TUBGCP5: variants seen among roughly 807,000 people sequenced by gnomAD.
TUBGCP5 encodes the protein tubulin gamma complex component 5.
In TUBGCP5, 98 loss-of-function variants were observed where a neutral mutation model predicts 134.7. That is an observed-to-expected ratio of 0.73 (90% CI 0.62 to 0.86). The LOEUF (loss-of-function observed/expected upper bound fraction) is 0.86, where lower values mean the gene tolerates loss of function less well. TUBGCP5 is among the 40% of genes least tolerant of loss of function. TUBGCP5 has a pLI of 0.00. For missense variants in TUBGCP5, 1,150 were observed against 1,244.8 expected, an observed-to-expected ratio of 0.92 and a Z score of 1.15; for synonymous variants, 456 against 431.4, an observed-to-expected ratio of 1.06 and a Z score of -0.71.
At chr15:22,998,638 G>A (rs980169747), downstream of TUBGCP5, among the ~76,000 whole-genome samples, 17 of 147,268 alleles carry the variant, frequency 1.2e-4, no homozygotes, top group African/African-American at 3.8e-4. Flanking sequence ...TTTTTTTTTC[G>A]GAGTCTTGCT....
intron 22 of TUBGCP5, chr15:23,000,270 A>C (rs12914045): frequency 8.0e-7 from 1 of 1,249,440 alleles, no homozygotes. Context: ...ATAGTTACAA[A>C]AACTACACGA....
intron 13 of TUBGCP5, among the ~76,000 whole-genome samples, chr15:23,012,248 G>C (rs958961156): frequency 1.3e-5 from 2 of 151,844 alleles, no homozygotes; most frequent in African/African-American, 4.8e-5. Context: ...AGTGGCCCTG[G>C]GAAGCTCACT....
At position 23,004,312 on chromosome 15, in the gene TUBGCP5, T is replaced by C. The variant is rs530951820; in HGVS notation, c.2713-85A>G. On this transcript the variant is annotated intron_variant, in intron 19 of 22. Transcript: ENST00000615383. ...ACACAAATCTTTTTTACTAAGCTCT[T>C]CTACTCCTCTCAAATTCTTCCTTCA... The C allele has an allele frequency of 6.0e-5, 88 of 1,476,144 alleles. No homozygotes were observed. In the African/African-American group the frequency reaches 1.2e-3, roughly 19 times the overall value. 91.4% of individuals were successfully genotyped at this position (1,476,144 alleles called of 1,614,324 possible).
At chr15:22,992,110 G>A (rs916053988) in intron 23 of TUBGCP5, among the ~76,000 whole-genome samples, 3 of 152,092 alleles carry the variant, frequency 2.0e-5, no homozygotes, top group Non-Finnish European at 4.4e-5. Context: ...AATTGCAGTC[G>A]TACGACCTGA....
chr15:23,010,086 T>G lies in TUBGCP5; in HGVS notation c.2003A>C (p.Asp668Ala), dbSNP rs1555436702. 1.2e-6 allele frequency: 2 copies of G among 1,613,944 alleles called. No homozygotes were observed. The highest frequency in any genetic ancestry group is 2.7e-5 in the African/African-American group (2 of 74,918). Residue 668 changes from aspartate to alanine, a missense_variant, in exon 15 of 23, where the codon GAT becomes GCT. This residue lies in a region of TUBGCP5 where 697 missense variants were observed against 850.1 expected (regional missense o/e 0.82). Transcript: ENST00000615383. ...SDFHEKFAGG[D>A]VCVDRSSESV... ...TTCCGATGATCTATCCACACATACA[T>G]CACCACCAGCAAACTTCTCGTGAAA...
chr15:23,028,412 A>G (rs1887088724), intron 6 of TUBGCP5, among the ~76,000 whole-genome samples: 1 of 150,908 alleles, frequency 6.6e-6, no homozygotes, highest in African/African-American at 2.4e-5. Context: ...CAAATCCAAA[A>G]TTGAATCCGA....
chr15:23,021,144 A>G (rs1398510053), intron 11 of TUBGCP5, among the ~76,000 whole-genome samples: 1 of 151,808 alleles, frequency 6.6e-6, no homozygotes, highest in Non-Finnish European at 1.5e-5. Flanking sequence ...CTACTTTAAA[A>G]ATTTTTTGTA....
chr15:23,009,001 A>AGT, intron 15 of TUBGCP5, 120 bp from the exon 16 acceptor site: 1 of 733,890 alleles, frequency 1.4e-6, no homozygotes, highest in Non-Finnish European at 2.1e-6. Flanking sequence ...TACATTTACT[A>AGT]AAATTAGAAA....
intron 20 of TUBGCP5, among the ~76,000 whole-genome samples, chr15:23,003,677 G>C (rs1200116751): frequency 8.5e-6 from 1 of 117,416 alleles, no homozygotes; most frequent in Admixed American, 1.2e-4. Context: ...ACAAGGTCTT[G>C]CTCTGTTACC....
chr15:23,003,781 T>C lies in TUBGCP5; in HGVS notation c.2838+321A>G, dbSNP rs181534992. On this transcript the variant is annotated intron_variant, in intron 20 of 22. Coordinates refer to ENST00000615383, the MANE Select transcript of TUBGCP5 (RefSeq NM_052903.6). ...AATGCTCCCACCTCAGCCTCCCAAG[T>C]AGCTGGGCCTCCAGGTATGCACCAC... Among the ~76,000 whole-genome samples the C allele has an allele frequency of 2.0e-5, 3 of 152,042 alleles. 1 individual carries two copies. Among genetic ancestry groups the C allele is most frequent in the Admixed American group, 2.0e-4 (3 of 15,232 alleles).
At chr15:23,019,878 TTGAGAG>T (rs1157521137) in intron 11 of TUBGCP5, among the ~76,000 whole-genome samples, 2 of 151,932 alleles carry the variant, frequency 1.3e-5, no homozygotes, top group African/African-American at 4.8e-5. Flanking sequence ...ACTGGGAAAC[TTGAGAG>T]TGAAAGTGAC....
chr15:23,010,069 A>G lies in TUBGCP5; in HGVS notation c.2020T>C (p.Ser674Pro), dbSNP rs776636432. The change falls in exon 15 of 23, where the codon TCA (serine) becomes CCA (proline). Residue 674 changes from serine (S) to proline (P), a missense_variant. This residue lies in a region of TUBGCP5 where 697 missense variants were observed against 850.1 expected (regional missense o/e 0.82). Coordinates refer to ENST00000615383, the MANE Select transcript of TUBGCP5 (RefSeq NM_052903.6). Reference protein sequence around the residue: ...FAGGDVCVDRSSESVTCQTFE... With the variant: ...FAGGDVCVDRPSESVTCQTFE... ...GTCTGGCATGTCACAGATTCCGATGATCTATCCACACATACATCACCACCA... is the reference window on the plus strand; with the variant it reads ...GTCTGGCATGTCACAGATTCCGATGGTCTATCCACACATACATCACCACCA... 6.2e-7 allele frequency: 1 copy of G among 1,614,158 alleles called. No individual in the cohort carries two copies. Among genetic ancestry groups the G allele is most frequent in the Admixed American group, 1.7e-5 (1 of 60,014 alleles).
chr15:23,011,496 T>G (rs2065030897), intron 13 of TUBGCP5, among the ~76,000 whole-genome samples, 165 bp from the exon 14 acceptor site: 1 of 148,322 alleles, frequency 6.7e-6, no homozygotes, highest in Non-Finnish European at 1.5e-5. Context: ...TATTTATATA[T>G]AGTAACAAAA....
intron 8 of TUBGCP5, among the ~76,000 whole-genome samples, chr15:23,025,476 G>A (rs1013509347): frequency 2.6e-5 from 4 of 152,146 alleles, no homozygotes; most frequent in South Asian, 2.1e-4. Context: ...ACCATGTGCC[G>A]CATTAGATTC....
chr15:23,011,023 A>G, intron 14 of TUBGCP5, 110 bp downstream of exon 14: 2 of 982,574 alleles, frequency 2.0e-6, no homozygotes, highest in Non-Finnish European at 3.0e-6. Flanking sequence ...AAGAAAGGAT[A>G]GCCTACAAGA....
In TUBGCP5 at chr15:23,019,307, C is replaced by T; in HGVS notation, c.1399G>A (p.Glu467Lys). 6.2e-7 allele frequency: 1 copy of T among 1,613,954 alleles called. No homozygotes were observed. Among genetic ancestry groups the T allele is most frequent in the Non-Finnish European group, 8.5e-7 (1 of 1,179,910 alleles). ...TVSLLFSLWVETVRPYLQTVD... is the reference protein window; with the variant it reads ...TVSLLFSLWVKTVRPYLQTVD... ...GTCTGCAGGTAAGGCCGCACCGTTT[C>T]CACCCAGAGAGAGAAAAGGAGGGAG... The change falls in exon 12 of 23, where the codon GAA becomes AAA. Residue 467 changes from glutamate (E) to lysine (K), a missense_variant. Glu to Lys is a moderately conservative substitution (Grantham distance 56, BLOSUM62 1). Coordinates refer to ENST00000615383, the MANE Select transcript of TUBGCP5 (RefSeq NM_052903.6).
downstream of TUBGCP5, chr15:22,999,118 G>A (rs1330226009): frequency 6.6e-6 from 1 of 152,116 alleles, no homozygotes; most frequent in Non-Finnish European, 1.5e-5. Flanking sequence ...AAGACAACAT[G>A]TAAAACTCTA....
chr15:23,003,423 C>A (rs892518091), intron 20 of TUBGCP5, among the ~76,000 whole-genome samples: 14 of 152,166 alleles, frequency 9.2e-5, no homozygotes, highest in Non-Finnish European at 1.8e-4. Flanking sequence ...CATTTAAATT[C>A]ACCAATGAAA....
chr15:23,024,276 T>C, intron 9 of TUBGCP5, 83 bp from the exon 10 acceptor site: 4 of 1,502,228 alleles, frequency 2.7e-6, no homozygotes, highest in Non-Finnish European at 3.6e-6. Context: ...GTAAAATACT[T>C]CTTTTGCAAT....
Sources: gnomAD v4.1 joint callset for allele counts (sites outside exome capture counted in the v4.1 genomes callset) on GRCh38, gnomAD v4.1.1 for gene constraint, gnomAD v4.1.1 regional missense constraint, MANE v1.5 for transcripts, NCBI Gene and HGNC (gene_info 2026-07-23, HGNC 2026-07-21) for gene names.